ATP10B: variants seen among roughly 807,000 people sequenced by gnomAD.
ATP10B encodes the protein ATPase phospholipid transporting 10B (putative).
Under a neutral mutation model 141.2 loss-of-function variants are expected in ATP10B, and 122 were observed. That is an observed-to-expected ratio of 0.86 (90% CI 0.75 to 1.00). ATP10B has a LOEUF of 1.00. ATP10B is among the 50% of genes least tolerant of loss of function. The pLI, the probability that ATP10B is intolerant of heterozygous loss-of-function variation, is 0.00. For missense variants in ATP10B, 1,876 were observed against 1,825.3 expected, an observed-to-expected ratio of 1.03 and a Z score of -0.51; for synonymous variants, 685 against 692.0, an observed-to-expected ratio of 0.99 and a Z score of 0.16.
the ATP10B span, among the ~76,000 whole-genome samples, chr5:160,887,023 C>T: frequency 5.9e-5 from 9 of 152,312 alleles, no homozygotes; most frequent in East Asian, 1.7e-3. Context: ...GAAATGTCAG[C>T]TGATAACTAT....
At chr5:160,646,147 A>T (rs891037639) in intron 8 of ATP10B, among the ~76,000 whole-genome samples, 7 of 152,216 alleles carry the variant, frequency 4.6e-5, no homozygotes, top group African/African-American at 1.7e-4. Context: ...TACATGAGAC[A>T]TCCTAAGACC....
intron 2 of ATP10B, among the ~76,000 whole-genome samples, chr5:160,761,063 G>C (rs529709567): frequency 6.6e-6 from 1 of 151,948 alleles, no homozygotes; most frequent in South Asian, 2.1e-4. Flanking sequence ...TACTGCAGCT[G>C]GTACACTCTT....
intron 2 of ATP10B, among the ~76,000 whole-genome samples, chr5:160,755,164 A>G (rs1768433497): frequency 6.6e-6 from 1 of 152,182 alleles, no homozygotes; most frequent in South Asian, 2.1e-4. Context: ...GCAGAAGGTG[A>G]AGGGGAAGCA....
chr5:160,840,170 T>A (rs1775722759), intron 1 of ATP10B, among the ~76,000 whole-genome samples: 1 of 152,084 alleles, frequency 6.6e-6, no homozygotes, highest in Admixed American at 6.6e-5. Context: ...TATTTTAATA[T>A]CTGTTAATTA....
intron 8 of ATP10B, 22 bp from the exon 9 acceptor site, chr5:160,644,266 C>T: frequency 1.3e-6 from 2 of 1,593,962 alleles, no homozygotes; most frequent in South Asian, 1.1e-5. Context: ...GAATAAAAGA[C>T]AGGGGGTGGT....
At chr5:160,889,719 G>A in the ATP10B span, among the ~76,000 whole-genome samples, 2 of 152,124 alleles carry the variant, frequency 1.3e-5, no homozygotes, top group African/African-American at 2.4e-5. Flanking sequence ...ACATGGGGAG[G>A]GGAAACTGGG....
At chr5:160,744,241 A>C (rs1490407813) in intron 2 of ATP10B, among the ~76,000 whole-genome samples, 2 of 152,172 alleles carry the variant, frequency 1.3e-5, no homozygotes, top group Non-Finnish European at 2.9e-5. Context: ...AAGGTGCTGG[A>C]AACACCCTCT....
rs373302217 is a variant in ATP10B, at chr5:160,598,882, T to C, written c.3452A>G (p.Asn1151Ser). The change falls in exon 22 of 26, where the codon AAT becomes AGT. Residue 1151 changes from asparagine to serine, a missense_variant. Coordinates refer to ENST00000327245, the MANE Select transcript of ATP10B (RefSeq NM_025153.3). ...MIDYWQMIFF[N>S]LFFTSLPPLV... ...AGGAGGCAAGGAGGTAAAGAAGAGA[T>C]TGAAGAATATCATCTGCCAGTAATC... 25 of 1,614,004 alleles carry C rather than the reference T, an allele frequency of 1.5e-5. No individual in the cohort carries two copies. The African/African-American group carries it at 1.9e-4, about 12-fold the overall frequency.
chr5:160,856,281 C>T (rs983585110), upstream of ATP10B, among the ~76,000 whole-genome samples: 9 of 151,618 alleles, frequency 5.9e-5, no homozygotes, highest in African/African-American at 1.7e-4. Context: ...CATATGAGTC[C>T]TGTACACATT....
chr5:160,768,331 A>G (rs1308448068), intron 2 of ATP10B, among the ~76,000 whole-genome samples: 1 of 152,222 alleles, frequency 6.6e-6, no homozygotes, highest in Non-Finnish European at 1.5e-5. Flanking sequence ...TATGCCATGT[A>G]CCTAAATTCA....
the ATP10B span, among the ~76,000 whole-genome samples, chr5:160,866,983 A>G: frequency 1.3e-5 from 2 of 152,112 alleles, no homozygotes; most frequent in South Asian, 2.1e-4. Context: ...GAGGCAGTGT[A>G]GTATTGTGGC....
At chr5:160,618,692 A>T (rs778230429) in intron 15 of ATP10B, among the ~76,000 whole-genome samples, 8 of 152,192 alleles carry the variant, frequency 5.3e-5, no homozygotes, top group African/African-American at 1.9e-4. Flanking sequence ...TTGAAATTCC[A>T]GTTCCTTTAT....
At chr5:160,634,063 A>G (rs1759146916) in intron 12 of ATP10B, 1 of 473,828 alleles carries the variant, frequency 2.1e-6, no homozygotes, top group Non-Finnish European at 3.9e-6. Context: ...CATTGCTGAC[A>G]GATAAAAAAC....
At position 160,785,625 on chromosome 5, in the gene ATP10B, T is replaced by C; in HGVS notation, c.-397A>G. The C allele has an allele frequency of 1.6e-6, 2 of 1,235,660 alleles. No homozygotes were observed. The highest frequency in any genetic ancestry group is 1.5e-5 in the African/African-American group (1 of 64,614). The allele number at this position is 1,235,660 out of a possible 1,614,324, so 76.5% of individuals were successfully genotyped here. On this transcript the variant is annotated 5_prime_UTR_variant, in exon 2 of 26. Coordinates refer to ENST00000327245, the MANE Select transcript of ATP10B (RefSeq NM_025153.3). ...CTCCTTTTTGAAGTCTCAGTGTTTA[T>C]TGTTCTCATCTTTGTGTCCATGTGT...
chr5:160,915,059 T>C, the ATP10B span, among the ~76,000 whole-genome samples: 2 of 152,222 alleles, frequency 1.3e-5, no homozygotes, highest in East Asian at 3.9e-4. Context: ...GGAAGTACCC[T>C]GAATTCAGAA....
intron 2 of ATP10B, among the ~76,000 whole-genome samples, chr5:160,726,854 T>C (rs1766403526): frequency 6.6e-6 from 1 of 152,132 alleles, no homozygotes; most frequent in Non-Finnish European, 1.5e-5. Flanking sequence ...ATCCATATTC[T>C]GATTGCCTCC....
intron 24 of ATP10B, among the ~76,000 whole-genome samples, chr5:160,588,905 G>A (rs1050136842): frequency 6.6e-6 from 1 of 152,126 alleles, no homozygotes; most frequent in Non-Finnish European, 1.5e-5. Context: ...CTGGAGGCAC[G>A]TTTCTAATCA....
rs11958530 is a variant in ATP10B, at chr5:160,787,669, G to C, written c.-575-1866C>G. Reference sequence around the variant, plus strand: ...AAAGTAAAGCTTCCGTGTCCTGCGTGGGGGGCAGGAATTTGGGGAGGCTGT... The same window carrying C: ...AAAGTAAAGCTTCCGTGTCCTGCGTCGGGGGCAGGAATTTGGGGAGGCTGT... On this transcript the variant is annotated intron_variant, in intron 1 of 25. Transcript: ENST00000327245. Among the ~76,000 whole-genome samples, 439 of 152,250 alleles carry C rather than the reference G, an allele frequency of 2.9e-3. 1 individual carries two copies. The highest frequency in any genetic ancestry group is 9.9e-3 in the African/African-American group (412 of 41,544).
At chr5:160,653,865 TAATATAC>T (rs1761227419) in intron 7 of ATP10B, among the ~76,000 whole-genome samples, 1 of 123,466 alleles carries the variant, frequency 8.1e-6, no homozygotes, top group African/African-American at 3.1e-5. Context: ...AAATATATAT[TAATATAC>T]GTATATACAT....
Sources: gnomAD v4.1 joint callset for allele counts (sites outside exome capture counted in the v4.1 genomes callset) on GRCh38, gnomAD v4.1.1 for gene constraint, MANE v1.5 for transcripts, NCBI Gene and HGNC (gene_info 2026-07-23, HGNC 2026-07-21) for gene names.